The following SEMA3A variants were observed in gnomAD, a reference collection of about 807,000 sequenced individuals.
SEMA3A encodes the protein semaphorin-3A.
A neutral mutation model predicts 97.9 loss-of-function variants in SEMA3A; 29 were observed. The ratio of observed to expected loss-of-function variants is 0.30; its 90% confidence interval spans 0.22 to 0.40. The LOEUF (loss-of-function observed/expected upper bound fraction) is 0.40. Ranked by LOEUF, SEMA3A falls within the 10% of genes least tolerant of loss-of-function variation. The pLI, the probability that SEMA3A is intolerant of heterozygous loss-of-function variation, is 1.00. For synonymous variants in SEMA3A, 321 were observed against 323.7 expected, an observed-to-expected ratio of 0.99 and a Z score of 0.09; for missense variants, 763 against 951.3, an observed-to-expected ratio of 0.80 and a Z score of 2.60.
chr7:84,064,029 G>C (rs1348273657), intron 4 of SEMA3A, among the ~76,000 whole-genome samples: 1 of 151,944 alleles, frequency 6.6e-6, no homozygotes, highest in African/African-American at 2.4e-5. Flanking sequence ...GAAAGGTCGG[G>C]TTACCCACAA....
At chr7:84,330,147 G>A (rs571231792) in intron 2 of SEMA3A, among the ~76,000 whole-genome samples, 3 of 151,978 alleles carry the variant, frequency 2.0e-5, no homozygotes, top group East Asian at 3.9e-4. Context: ...AGGCATCACT[G>A]GCTTATACTT....
chr7:84,100,340 G>C (rs927528566), intron 4 of SEMA3A, among the ~76,000 whole-genome samples: 2 of 151,748 alleles, frequency 1.3e-5, no homozygotes, highest in African/African-American at 4.8e-5. Flanking sequence ...TATGGTGCTG[G>C]AATGTCCTTT....
At position 84,312,323 on chromosome 7, in the gene SEMA3A, A is replaced by G. The variant is rs75080499; in HGVS notation, c.-168-5031T>C. ...CTTAGTGCCTTTTTCAGCAGACTCT[A>G]CATCAGCCTGGACAAATTTCTTGGG... On this transcript the variant is annotated intron_variant, in intron 2 of 3. Transcript: ENST00000424555. Among the ~76,000 whole-genome samples, 859 of 151,904 alleles carry G rather than the reference A, an allele frequency of 5.7e-3. 38 individuals are homozygous for G. In the East Asian group the frequency reaches 0.11, roughly 19 times the overall value.
chr7:84,068,518 C>T (rs1275039137), intron 4 of SEMA3A, among the ~76,000 whole-genome samples: 1 of 150,478 alleles, frequency 6.6e-6, no homozygotes, highest in Non-Finnish European at 1.5e-5. Context: ...ACAATTCATA[C>T]AAAATATTAA....
intron 5 of SEMA3A, among the ~76,000 whole-genome samples, chr7:84,056,273 T>C (rs930806207): frequency 6.6e-6 from 1 of 152,198 alleles, no homozygotes; most frequent in Admixed American, 6.5e-5. Context: ...GCCTGAGAAG[T>C]ACGTATTAAA....
intron 3 of SEMA3A, among the ~76,000 whole-genome samples, chr7:84,274,616 T>C (rs142404541): frequency 1.8e-3 from 270 of 152,236 alleles, no homozygotes; most frequent in Middle Eastern, 3.4e-3. Flanking sequence ...CTAGAATGCA[T>C]GTTCATTCAT....
At chr7:83,980,139 A>T (rs941300583) in intron 14 of SEMA3A, among the ~76,000 whole-genome samples, 4 of 152,112 alleles carry the variant, frequency 2.6e-5, no homozygotes, top group Non-Finnish European at 5.9e-5. Flanking sequence ...CTCATTTCCT[A>T]AACCCTGCTA....
chr7:84,150,233 A>C (rs191396176), intron 1 of SEMA3A, among the ~76,000 whole-genome samples: 40 of 152,340 alleles, frequency 2.6e-4, no homozygotes, highest in Non-Finnish European at 5.4e-4. Context: ...TTGCTGTAGA[A>C]GCTGAGATTA....
At chr7:84,411,549 A>T (rs1273300789) in intron 1 of SEMA3A, among the ~76,000 whole-genome samples, 1 of 143,940 alleles carries the variant, frequency 6.9e-6, no homozygotes, top group African/African-American at 2.7e-5. Flanking sequence ...TTCTTAAAAT[A>T]TTGACATTTG....
chr7:84,294,388 A>G (rs1265169177), intron 3 of SEMA3A, among the ~76,000 whole-genome samples: 1 of 151,940 alleles, frequency 6.6e-6, no homozygotes, highest in African/African-American at 2.4e-5. Context: ...AACCTTTCAT[A>G]TGTTTGCTGC....
At chr7:84,379,518 T>C (rs890881902) in intron 1 of SEMA3A, among the ~76,000 whole-genome samples, 4 of 152,144 alleles carry the variant, frequency 2.6e-5, no homozygotes, top group Non-Finnish European at 5.9e-5. Flanking sequence ...CATGAGAGAC[T>C]CTGTTTAACA....
chr7:84,400,540 G>A (rs1803873984), intron 1 of SEMA3A, among the ~76,000 whole-genome samples: 1 of 152,080 alleles, frequency 6.6e-6, no homozygotes, highest in African/African-American at 2.4e-5. Context: ...TGATCAAACG[G>A]AGGAAAGAAT....
At chr7:84,148,298 G>A (rs905453638) in intron 1 of SEMA3A, among the ~76,000 whole-genome samples, 2 of 151,728 alleles carry the variant, frequency 1.3e-5, no homozygotes, top group African/African-American at 4.8e-5. Flanking sequence ...GCTATGTCCT[G>A]CACCTTTATC....
chr7:84,173,716 G>A (rs1267757027), intron 1 of SEMA3A, among the ~76,000 whole-genome samples: 1 of 152,128 alleles, frequency 6.6e-6, no homozygotes, highest in Non-Finnish European at 1.5e-5. Context: ...TACACCAAGT[G>A]GTAGAGCAAG....
chr7:84,452,023 T>C (rs1256876988), intron 1 of SEMA3A, among the ~76,000 whole-genome samples: 2 of 152,236 alleles, frequency 1.3e-5, no homozygotes, highest in African/African-American at 4.8e-5. Flanking sequence ...TTTAATTGTT[T>C]GTTTTTCAAA....
At chr7:84,287,442 A>G (rs1392974300) in intron 3 of SEMA3A, among the ~76,000 whole-genome samples, 2 of 152,182 alleles carry the variant, frequency 1.3e-5, no homozygotes, top group Non-Finnish European at 2.9e-5. Context: ...CCAAAAGAGC[A>G]TGTATTTCAG....
At chr7:84,054,153 C>T (rs1261510520) in intron 5 of SEMA3A, among the ~76,000 whole-genome samples, 2 of 151,934 alleles carry the variant, frequency 1.3e-5, no homozygotes, top group Non-Finnish European at 2.9e-5. Flanking sequence ...ATATTTTTTC[C>T]TTCATTTCAA....
At chr7:84,367,324 C>T (rs1182096638) in intron 2 of SEMA3A, among the ~76,000 whole-genome samples, 3 of 151,124 alleles carry the variant, frequency 2.0e-5, no homozygotes, top group African/African-American at 4.8e-5. Flanking sequence ...TATGCCATTG[C>T]CTTAAAAGGA....
At chr7:84,187,559 C>T (rs1004755643) in intron 1 of SEMA3A, among the ~76,000 whole-genome samples, 1 of 152,058 alleles carries the variant, frequency 6.6e-6, no homozygotes, top group Non-Finnish European at 1.5e-5. Context: ...GAAGGAGATA[C>T]TGTTTATGGA....
Sources: gnomAD v4.1 joint callset for allele counts (sites outside exome capture counted in the v4.1 genomes callset) on GRCh38, gnomAD v4.1.1 for gene constraint, MANE v1.5 for transcripts, NCBI Gene and HGNC (gene_info 2026-07-23, HGNC 2026-07-21) for gene names.